Variants in NXPH1 observed in about 807,000 individuals in gnomAD.
NXPH1 encodes neurexophilin-1.
Under a neutral mutation model 23.7 loss-of-function variants are expected in NXPH1, and 5 were observed. The ratio of observed to expected loss-of-function variants is 0.21; its 90% confidence interval spans 0.11 to 0.44. NXPH1 has a LOEUF of 0.44. Ranked by LOEUF, NXPH1 falls within the 20% of genes least tolerant of loss-of-function variation. NXPH1 has a pLI of 0.99. For synonymous variants in NXPH1, 144 were observed against 122.2 expected, an observed-to-expected ratio of 1.18 and a Z score of -1.18; for missense variants, 324 against 321.6, an observed-to-expected ratio of 1.01 and a Z score of -0.06.
chr7:8,441,629 A>T (rs971020312), intron 2 of NXPH1, among the ~76,000 whole-genome samples: 5 of 152,182 alleles, frequency 3.3e-5, no homozygotes, highest in African/African-American at 1.2e-4. Flanking sequence ...TCAGCTCGAG[A>T]TGAGGAAATG....
chr7:8,571,393 T>C (rs559278489), intron 2 of NXPH1, among the ~76,000 whole-genome samples: 1 of 151,444 alleles, frequency 6.6e-6, no homozygotes, highest in Admixed American at 6.6e-5. Context: ...TCTTTGTGGA[T>C]GGCAATGGGA....
intron 2 of NXPH1, among the ~76,000 whole-genome samples, chr7:8,659,678 A>G (rs931394278): frequency 6.6e-6 from 1 of 152,238 alleles, no homozygotes; most frequent in Non-Finnish European, 1.5e-5. Flanking sequence ...ACATGTGTAC[A>G]TATGTAACAA....
chr7:8,708,071 A>T (rs533688095), intron 2 of NXPH1, among the ~76,000 whole-genome samples: 2 of 152,278 alleles, frequency 1.3e-5, no homozygotes, highest in South Asian at 2.1e-4. Context: ...TGAAGCTGAA[A>T]ATATTTATAA....
intron 2 of NXPH1, among the ~76,000 whole-genome samples, chr7:8,452,416 C>A (rs1816522696): frequency 6.6e-6 from 1 of 152,112 alleles, no homozygotes; most frequent in Non-Finnish European, 1.5e-5. Flanking sequence ...TTTATTATAT[C>A]CACTGAAGGC....
At chr7:8,558,359 T>A (rs1818393169) in intron 2 of NXPH1, among the ~76,000 whole-genome samples, 1 of 151,684 alleles carries the variant, frequency 6.6e-6, no homozygotes, top group Admixed American at 6.6e-5. Flanking sequence ...TTTTCTCAGG[T>A]GCCACTGGAC....
At chr7:8,492,342 A>G (rs1817261443) in intron 2 of NXPH1, among the ~76,000 whole-genome samples, 1 of 152,026 alleles carries the variant, frequency 6.6e-6, no homozygotes, top group South Asian at 2.1e-4. Flanking sequence ...GAGTCAGAAG[A>G]TCTGAGTTTG....
intron 2 of NXPH1, among the ~76,000 whole-genome samples, chr7:8,732,429 A>G (rs1583251618): frequency 6.6e-6 from 1 of 152,212 alleles, no homozygotes; most frequent in Non-Finnish European, 1.5e-5. Context: ...AAATTTGTCT[A>G]TTACCATTCA....
intron 2 of NXPH1, among the ~76,000 whole-genome samples, chr7:8,621,490 C>CTTTTTTTTTTTTTTTTTTTT (rs113473603): frequency 2.9e-5 from 4 of 140,254 alleles, no homozygotes; most frequent in South Asian, 4.8e-4. Flanking sequence ...GCTAGCCACT[C>CTTTTTTTTTTTTTTTTTTTT]TTTTTTTTTT....
chr7:8,698,898 C>T (rs920158446), intron 2 of NXPH1, among the ~76,000 whole-genome samples: 6 of 152,092 alleles, frequency 3.9e-5, no homozygotes, highest in African/African-American at 1.4e-4. Flanking sequence ...TATTCATTAC[C>T]ATTATACCAT....
rs560148621 is a variant in NXPH1, at chr7:8,487,180, C to T, written c.54+51413C>T. Among the ~76,000 whole-genome samples, 9 of 152,122 alleles carry T rather than the reference C, an allele frequency of 5.9e-5. No homozygotes were observed. The South Asian group carries it at 8.3e-4, about 14-fold the overall frequency. ...TTCTCCTCAATATGTTATCAGTTCA[C>T]TGGTTTGTATGATGGTAGATCCATC... is the stretch of plus-strand genomic sequence containing the variant. On this transcript the variant is annotated intron_variant, in intron 2 of 2. Coordinates refer to ENST00000405863, the MANE Select transcript of NXPH1 (RefSeq NM_152745.3).
chr7:8,585,747 G>A, intron 2 of NXPH1, among the ~76,000 whole-genome samples: 1 of 152,166 alleles, frequency 6.6e-6, no homozygotes, highest in Admixed American at 6.5e-5. Flanking sequence ...CAATTAGTTG[G>A]TGCTACTCTC....
intron 2 of NXPH1, among the ~76,000 whole-genome samples, chr7:8,514,290 A>G (rs1179193063): frequency 6.6e-6 from 1 of 152,128 alleles, no homozygotes; most frequent in Non-Finnish European, 1.5e-5. Flanking sequence ...TCTCCTTCAT[A>G]GACTCTCTCT....
chr7:8,466,683 A>AT (rs1397775772), intron 2 of NXPH1, among the ~76,000 whole-genome samples: 3 of 152,152 alleles, frequency 2.0e-5, no homozygotes, highest in Non-Finnish European at 2.9e-5. Context: ...TATTACTCAT[A>AT]TTACCTATTT....
At position 8,751,821 on chromosome 7, in the gene NXPH1, A is replaced by T; in HGVS notation, c.*52A>T. 1 of 1,508,026 alleles carries T rather than the reference A, an allele frequency of 6.6e-7. No individual in the cohort carries two copies. The allele number at this position is 1,508,026 out of a possible 1,614,324, so 93.4% of individuals were successfully genotyped here. The stretch of plus-strand genomic sequence containing the variant: ...CCTGAGGAATTAAAGGTCATATGAC[A>T]GGGCTGTTACCTCAAAGAAGAAGGT... On this transcript the variant is annotated 3_prime_UTR_variant, in exon 3 of 3. Transcript: ENST00000405863. The surrounding 1 kb of genome is among the most constrained non-coding windows in gnomAD (Gnocchi z 4.5).
chr7:8,658,478 C>G (rs1285856610), intron 2 of NXPH1, among the ~76,000 whole-genome samples: 3 of 152,172 alleles, frequency 2.0e-5, no homozygotes, highest in African/African-American at 7.2e-5. Flanking sequence ...GTACCAGGCT[C>G]CAAGGAAACT....
At chr7:8,716,357 T>G (rs181358323) in intron 2 of NXPH1, among the ~76,000 whole-genome samples, 1 of 152,310 alleles carries the variant, frequency 6.6e-6, no homozygotes, top group African/African-American at 2.4e-5. Flanking sequence ...GCCAATATAA[T>G]TTTCCCAAAC....
intron 2 of NXPH1, among the ~76,000 whole-genome samples, chr7:8,715,220 A>G (rs1779857428): frequency 6.6e-6 from 1 of 152,018 alleles, no homozygotes; most frequent in South Asian, 2.1e-4. Flanking sequence ...ACTGTGTTCC[A>G]ATGCAAAGTT....
At chr7:8,586,745 T>C (rs1818989196) in intron 2 of NXPH1, among the ~76,000 whole-genome samples, 1 of 152,116 alleles carries the variant, frequency 6.6e-6, no homozygotes, top group South Asian at 2.1e-4. Context: ...ACCTTTTGCA[T>C]TCCAGTTGGA....
At chr7:8,488,473 T>C (rs1004180733) in intron 2 of NXPH1, among the ~76,000 whole-genome samples, 5 of 152,158 alleles carry the variant, frequency 3.3e-5, no homozygotes, top group African/African-American at 1.2e-4. Flanking sequence ...GCTAATCTTA[T>C]AGAAATCAAA....
Sources: gnomAD v4.1 joint callset for allele counts (sites outside exome capture counted in the v4.1 genomes callset) on GRCh38, gnomAD v4.1.1 for gene constraint, Gnocchi (gnomAD v3.1) non-coding constraint, MANE v1.5 for transcripts, NCBI Gene and HGNC (gene_info 2026-07-23, HGNC 2026-07-21) for gene names.